HERC3: variants seen among roughly 807,000 people sequenced by gnomAD.
HERC3 encodes the protein probable E3 ubiquitin-protein ligase HERC3.
A neutral mutation model predicts 129.9 loss-of-function variants in HERC3; 58 were observed. That is an observed-to-expected ratio of 0.45 (90% CI 0.36 to 0.56). HERC3 has a LOEUF of 0.56. Ranked by LOEUF, HERC3 falls within the 20% of genes least tolerant of loss-of-function variation. The pLI is 0.00. For synonymous variants in HERC3, 430 were observed against 451.0 expected, an observed-to-expected ratio of 0.95 and a Z score of 0.59; for missense variants, 835 against 1,244.2, an observed-to-expected ratio of 0.67 and a Z score of 4.95.
intron 11 of HERC3, among the ~76,000 whole-genome samples, chr4:88,663,485 A>G (rs887239835): frequency 1.4e-4 from 22 of 152,182 alleles, no homozygotes; most frequent in African/African-American, 5.1e-4. Flanking sequence ...GATGGAAGAC[A>G]TGATCTTTAA....
At chr4:88,541,158 C>T in the HERC3 span, among the ~76,000 whole-genome samples, 143 of 152,192 alleles carry the variant, frequency 9.4e-4, 1 homozygote, top group East Asian at 0.015. Context: ...ATTGGATAAA[C>T]AGTCAATACC....
chr4:88,699,321 C>CCCACCCACCCACCCCTACCCGCTTCTTCT (rs1578349922), intron 23 of HERC3, among the ~76,000 whole-genome samples: 4 of 29,616 alleles, frequency 1.4e-4, no homozygotes, highest in African/African-American at 7.3e-4. Context: ...CCTCTTCCTC[C>CCCACCCACCCACCCCTACCCGCTTCTTCT]CCACCCACCC....
At chr4:88,540,989 T>C in the HERC3 span, among the ~76,000 whole-genome samples, 9 of 152,120 alleles carry the variant, frequency 5.9e-5, no homozygotes, top group Non-Finnish European at 1.3e-4. Flanking sequence ...TGCAAAAACA[T>C]GCCAAATTGT....
the HERC3 span, among the ~76,000 whole-genome samples, chr4:88,571,875 T>TA: frequency 6.6e-6 from 1 of 152,194 alleles, no homozygotes; most frequent in African/African-American, 2.4e-5. Flanking sequence ...GTTGGTGTTA[T>TA]GGGCTGAACT....
chr4:88,623,137 A>G (rs967099064), intron 3 of HERC3, among the ~76,000 whole-genome samples: 4 of 152,236 alleles, frequency 2.6e-5, no homozygotes, highest in Non-Finnish European at 5.9e-5. Context: ...ATGAAACTTA[A>G]CATCAGATTC....
At chr4:88,629,601 T>C (rs1726516323) in intron 3 of HERC3, among the ~76,000 whole-genome samples, 2 of 152,332 alleles carry the variant, frequency 1.3e-5, no homozygotes, top group Admixed American at 1.3e-4. Flanking sequence ...ATTCTAAGGC[T>C]GGTGGTATGT....
the HERC3 span, among the ~76,000 whole-genome samples, chr4:88,543,115 G>T: frequency 6.6e-6 from 1 of 152,104 alleles, no homozygotes; most frequent in Non-Finnish European, 1.5e-5. Flanking sequence ...AAGAAATAAA[G>T]GGTATTCAAT....
chr4:88,638,469 A>G (rs6839006), intron 3 of HERC3, among the ~76,000 whole-genome samples: 20,776 of 152,204 alleles, frequency 0.14, 1,644 homozygotes, highest in East Asian at 0.2. Context: ...TCTATCACAT[A>G]AACAGAACCA....
chr4:88,531,477 G>A, the HERC3 span, among the ~76,000 whole-genome samples: 1 of 152,054 alleles, frequency 6.6e-6, no homozygotes, highest in African/African-American at 2.4e-5. Flanking sequence ...ATCCAGATAA[G>A]CAACTCCACA....
At chr4:88,669,189 C>T (rs1731354679) in intron 14 of HERC3, among the ~76,000 whole-genome samples, 1 of 152,192 alleles carries the variant, frequency 6.6e-6, no homozygotes, top group East Asian at 1.9e-4. Context: ...CAGTATTTTG[C>T]CCATTTTATT....
intron 3 of HERC3, among the ~76,000 whole-genome samples, chr4:88,625,839 T>A (rs535082067): frequency 0.026 from 3,951 of 152,266 alleles, 109 homozygotes; most frequent in South Asian, 0.087. Context: ...TTTAGTGATT[T>A]TTTTTTAAAT....
chr4:88,663,156 T>C (rs1005660035), intron 11 of HERC3, among the ~76,000 whole-genome samples: 1 of 152,222 alleles, frequency 6.6e-6, no homozygotes, highest in African/African-American at 2.4e-5. Context: ...AATCAAGCTC[T>C]GTGCACTAAG....
At chr4:88,664,008 A>C in intron 11 of HERC3, 145 bp from the exon 12 acceptor site, 2 of 563,822 alleles carry the variant, frequency 3.5e-6, no homozygotes. Flanking sequence ...TTTCTAAAGC[A>C]AATGTACATT....
chr4:88,590,912 G>A (rs1368298471), upstream of HERC3, among the ~76,000 whole-genome samples: 5 of 138,500 alleles, frequency 3.6e-5, no homozygotes, highest in Admixed American at 2.2e-4. Context: ...TTGAGACAAC[G>A]TTTCATTCTG....
At chr4:88,537,819 A>G in the HERC3 span, among the ~76,000 whole-genome samples, 1 of 152,228 alleles carries the variant, frequency 6.6e-6, no homozygotes, top group Admixed American at 6.5e-5. Context: ...TGAAATCCAT[A>G]GCACTGAATA....
chr4:88,583,958 C>T, the HERC3 span: 1 of 152,210 alleles, frequency 6.6e-6, no homozygotes, highest in African/African-American at 2.4e-5. Flanking sequence ...GCCATAGCTA[C>T]ACTACATTGA....
chr4:88,661,209 A>G (rs943486551), intron 10 of HERC3, among the ~76,000 whole-genome samples: 5 of 152,340 alleles, frequency 3.3e-5, no homozygotes, highest in Non-Finnish European at 7.3e-5. Context: ...TGGAAAGACA[A>G]TCTCTGTGTG....
At chr4:88,697,608 A>G in intron 23 of HERC3, 1 of 1,609,104 alleles carries the variant, frequency 6.2e-7, no homozygotes, top group Non-Finnish European at 8.5e-7. Context: ...CAGCCATCTG[A>G]CCAGCCGCGC....
chr4:88,577,370 G>A, the HERC3 span, among the ~76,000 whole-genome samples: 1 of 152,068 alleles, frequency 6.6e-6, no homozygotes, highest in Non-Finnish European at 1.5e-5. Flanking sequence ...TGGACCTTAA[G>A]GGGAGAAGTT....
Sources: allele counts gnomAD v4.1 joint callset (sites outside exome capture counted in the v4.1 genomes callset), GRCh38; gene constraint gnomAD v4.1.1; transcripts MANE v1.5; gene names NCBI Gene and HGNC (gene_info 2026-07-23, HGNC 2026-07-21).